Variants in RHCG observed in about 807,000 individuals in gnomAD.
RHCG encodes ammonium transporter Rh type C.
Under a neutral mutation model 55.3 loss-of-function variants are expected in RHCG, and 39 were observed. The ratio of observed to expected loss-of-function variants is 0.70; its 90% CI spans 0.55 to 0.92. The LOEUF (loss-of-function observed/expected upper bound fraction) is 0.92. RHCG is among the 40% of genes least tolerant of loss of function. The pLI, the probability that RHCG is intolerant of heterozygous loss-of-function variation, is 0.00. For missense variants in RHCG, 635 were observed against 627.9 expected (o/e 1.01, Z -0.12); for synonymous variants, 250 against 246.8 (o/e 1.01, Z -0.12).
chr15:89,490,840 T>G (rs1961462148), intron 1 of RHCG, among the ~76,000 whole-genome samples: 1 of 149,928 alleles, frequency 6.7e-6, no homozygotes, highest in Admixed American at 6.6e-5. Flanking sequence ...AGCCTGGCTG[T>G]GGGGGCTTGG....
At chr15:89,472,992 G>T in intron 9 of RHCG, 129 bp from the exon 10 acceptor site, 1 of 1,066,840 alleles carries the variant, frequency 9.4e-7, no homozygotes, top group East Asian at 3.0e-5. Context: ...CGGATCACAT[G>T]CCACGGAGAG....
intron 9 of RHCG, among the ~76,000 whole-genome samples, chr15:89,474,768 T>TTCCTTCCTTCCTGCCTG (rs1961102514): frequency 8.4e-6 from 1 of 118,414 alleles, no homozygotes; most frequent in African/African-American, 4.8e-5. Context: ...CTTCCTGCCT[T>TTCCTTCCTTCCTGCCTG]CCTTCCTTCC....
At chr15:89,476,636 G>A in intron 9 of RHCG, 119 bp downstream of exon 9, 2 of 788,292 alleles carry the variant, frequency 2.5e-6, no homozygotes, top group Admixed American at 3.8e-5. Context: ...GTAGGGTAAT[G>A]TAGGCTCTGA....
rs917554383 is a variant in RHCG at position 89,479,577 on chromosome 15, C to A, written c.671-89G>T. 5.0e-6 allele frequency: 6 copies of A among 1,199,476 alleles called. No individual in the cohort carries two copies. The East Asian group carries it at 1.0e-4, about 21-fold the overall frequency. 74.3% of individuals were successfully genotyped at this position (1,199,476 alleles called of 1,614,324 possible). A position where few individuals can be genotyped will look rare whatever the true frequency, so the allele number is the denominator to read the frequency against. ...CAGGCAGGCATCCTGTCCTTTAGCT[C>A]TAGAGATGACCCCACACCCAGCTGT... On this transcript the variant is annotated intron_variant, in intron 4 of 10. Transcript: ENST00000268122.
rs551604336 is a variant in RHCG, at chr15:89,472,796, A to C, written c.1379T>G (p.Val460Gly). Residue 460 changes from valine to glycine, a missense_variant, in exon 10 of 11, where the codon GTA becomes GGA. Transcript: ENST00000268122. ...TGGGGACACCATGGGTACTGAGGGT[A>C]CTGAGGGTCCTGAGGGCTTGAAGGT... is the stretch of plus-strand genomic sequence containing the variant. ...DPTFKPSGPS[V>G]PSVPMVSPLP... is the part of the protein sequence containing the mutation. 5.8e-6 allele frequency: 9 copies of C among 1,564,878 alleles called. No individual in the cohort carries two copies. The highest frequency in any genetic ancestry group is 2.3e-5 in the South Asian group (2 of 85,252).
intron 2 of RHCG, among the ~76,000 whole-genome samples, chr15:89,483,445 T>C (rs895409434): frequency 6.6e-6 from 1 of 152,010 alleles, no homozygotes. Context: ...CCACCTCCCA[T>C]GCAGCCCATC....
Position 89,483,230 on chromosome 15 carries a change from A to C in RHCG, c.372-13T>G. 1 of 1,528,000 alleles carries C rather than the reference A, an allele frequency of 6.5e-7. No homozygotes were observed. The highest frequency in any genetic ancestry group is 8.9e-7 in the Non-Finnish European group (1 of 1,120,228). The allele number at this position is 1,528,000 out of a possible 1,614,324, so 94.7% of individuals were successfully genotyped here. A position where few individuals can be genotyped will look rare whatever the true frequency, so the allele number is the denominator to read the frequency against. ...AGCGTTGATGAGGCTGTGGGGAGAC[A>C]GGCCAGTGGAGAAGCTGGGGCAATA... On this transcript the variant is annotated splice_polypyrimidine_tract_variant and intron_variant, in intron 2 of 10. Coordinates refer to ENST00000268122, the MANE Select transcript of RHCG (RefSeq NM_016321.3).
At chr15:89,479,198 TCTCCC>T in intron 5 of RHCG, 119 bp downstream of exon 5, 1 of 960,322 alleles carries the variant, frequency 1.0e-6, no homozygotes, top group Non-Finnish European at 1.5e-6. Context: ...ACAAATCATT[TCTCCC>T]CCAACCTCAT....
At chr15:89,486,599 A>AGAGTGTGAGT in intron 2 of RHCG, 200 bp downstream of exon 2, 23 of 264,486 alleles carry the variant, frequency 8.7e-5, no homozygotes, top group African/African-American at 1.8e-4. Flanking sequence ...AGAGAGAGAG[A>AGAGTGTGAGT]GTGTGTGTGT....
intron 9 of RHCG, among the ~76,000 whole-genome samples, chr15:89,476,012 GCTCT>G (rs147396388): frequency 1.3e-4 from 17 of 132,774 alleles, no homozygotes; most frequent in East Asian, 4.0e-4. Flanking sequence ...TCTTGCTCTC[GCTCT>G]CTCTCTCTCT....
At chr15:89,481,619 A>G (rs1961268374) in intron 3 of RHCG, among the ~76,000 whole-genome samples, 1 of 152,154 alleles carries the variant, frequency 6.6e-6, no homozygotes, top group African/African-American at 2.4e-5. Context: ...GAAGATGGGG[A>G]GAGAGTAGAC....
At chr15:89,485,713 C>T (rs1231411531) in intron 2 of RHCG, among the ~76,000 whole-genome samples, 4 of 152,002 alleles carry the variant, frequency 2.6e-5, no homozygotes, top group African/African-American at 7.3e-5. Flanking sequence ...TTTAGCTGAC[C>T]TTTTCATATG....
At chr15:89,494,303 C>T (rs530171352) in intron 1 of RHCG, among the ~76,000 whole-genome samples, 1 of 152,280 alleles carries the variant, frequency 6.6e-6, no homozygotes, top group East Asian at 1.9e-4. Flanking sequence ...TCCAAAAAGT[C>T]TGGGGACAGA....
At position 89,477,380 on chromosome 15, in the gene RHCG, G is replaced by C. The variant is rs1283244343; in HGVS notation, c.1112+137C>G. The stretch of plus-strand genomic sequence containing the variant: ...CTCTAAGGGACAGAGTTTGGGGAGA[G>C]AGACCCATGAAACAATTGGTCCAGA... On this transcript the variant is annotated intron_variant, in intron 7 of 10. Transcript: ENST00000268122. This position sits in a 1 kb window ranked among gnomAD's most constrained non-coding sequence, Gnocchi z 4.5. The C allele has an allele frequency of 1.4e-6, 2 of 1,401,784 alleles. No individual in the cohort carries two copies. The highest frequency in any genetic ancestry group is 1.9e-6 in the Non-Finnish European group (2 of 1,029,222). The allele number at this position is 1,401,784 out of a possible 1,614,324, so 86.8% of individuals were successfully genotyped here. A position where few individuals can be genotyped will look rare whatever the true frequency, so the allele number is the denominator to read the frequency against.
In RHCG at chr15:89,477,750, C is replaced by T. The variant is rs752911909; in HGVS notation, c.975+87G>A. On this transcript the variant is annotated intron_variant, in intron 6 of 10. Coordinates refer to ENST00000268122, the MANE Select transcript of RHCG (RefSeq NM_016321.3). This position sits in a 1 kb window ranked among gnomAD's most constrained non-coding sequence, Gnocchi z 4.5. ...GACCCAGGATTCTCTAGCCCTCAGC[C>T]CCCTCCCTAGGAACCCTCAGCTCAC... 3 of 1,603,616 alleles carry T rather than the reference C, an allele frequency of 1.9e-6. No individual in the cohort carries two copies. The highest frequency in any genetic ancestry group is 2.7e-5 in the African/African-American group (2 of 74,640).
rs768653320 is a variant in RHCG, at chr15:89,472,798, T to C, written c.1377A>G (p.Ser459=). The change falls in exon 10 of 11, where the codon TCA becomes TCG. Residue 459 remains serine (S), a synonymous_variant. Transcript: ENST00000268122. The part of the protein sequence containing the change: ...EDPTFKPSGP[S]VPSVPMVSPL... ...GGGACACCATGGGTACTGAGGGTAC[T>C]GAGGGTCCTGAGGGCTTGAAGGTGG... 6.4e-7 allele frequency: 1 copy of C among 1,558,956 alleles called. No homozygotes were observed. The highest frequency in any genetic ancestry group is 2.4e-5 in the East Asian group (1 of 41,238).
rs115624332 is a variant in RHCG, at chr15:89,488,777, G to T, written c.185-1792C>A. Among the ~76,000 whole-genome samples the T allele has an allele frequency of 1.5e-3, 229 of 150,882 alleles. No homozygotes were observed. The Middle Eastern group carries it at 0.024, about 16-fold the overall frequency. On this transcript the variant is annotated intron_variant, in intron 1 of 10. Coordinates refer to ENST00000268122, the MANE Select transcript of RHCG (RefSeq NM_016321.3). ...TATTTGGTGGGGCTGGGAGAATGGG[G>T]GGGGGGGAGTGCTATAATGGTCATT...
At chr15:89,478,862 G>T (rs1596403402) in intron 5 of RHCG, among the ~76,000 whole-genome samples, 1 of 152,162 alleles carries the variant, frequency 6.6e-6, no homozygotes, top group Admixed American at 6.5e-5. Context: ...AGGCTGAGGT[G>T]GGTGGATCAC....
rs1258333815 is a variant in RHCG, at chr15:89,480,423, G to T, written c.523-15C>A. The stretch of plus-strand genomic sequence containing the variant: ...GCATCCTTCACCTGGGGTGCAAGGG[G>T]CCTGTCAGACTCTGGCACCTTCTCT... On this transcript the variant is annotated splice_polypyrimidine_tract_variant and intron_variant, in intron 3 of 10. Transcript: ENST00000268122. 1 of 1,608,700 alleles carries T rather than the reference G, an allele frequency of 6.2e-7. No individual in the cohort carries two copies. The highest frequency in any genetic ancestry group is 1.7e-5 in the Admixed American group (1 of 59,810).
Sources: allele counts gnomAD v4.1 joint callset (sites outside exome capture counted in the v4.1 genomes callset), GRCh38; gene constraint gnomAD v4.1.1; non-coding constraint Gnocchi (gnomAD v3.1); transcripts MANE v1.5; gene names NCBI Gene and HGNC (gene_info 2026-07-23, HGNC 2026-07-21).